Variants in PCNX2 observed in about 807,000 individuals in gnomAD.
PCNX2 encodes the protein pecanex 2, also known as pecanex-like protein 2.
A neutral mutation model predicts 223.8 loss-of-function variants in PCNX2; 168 were observed. That is an observed-to-expected ratio of 0.75 (90% CI 0.66 to 0.85). PCNX2 has a LOEUF of 0.85. Ranked by LOEUF, PCNX2 falls within the 40% of genes least tolerant of loss-of-function variation. PCNX2 has a pLI of 0.00. For missense variants in PCNX2, 2,507 were observed against 2,675.5 expected (o/e 0.94, Z 1.39); for synonymous variants, 1,006 against 1,052.6 (o/e 0.96, Z 0.86).
chr1:233,235,957 A>AAAAAAAAT (rs369886650), intron 9 of PCNX2, among the ~76,000 whole-genome samples: 20 of 93,104 alleles, frequency 2.1e-4, no homozygotes, highest in Admixed American at 8.5e-4. Context: ...CATAAAAAAA[A>AAAAAAAAT]ATATATATAT....
intron 23 of PCNX2, among the ~76,000 whole-genome samples, chr1:233,068,596 C>G (rs770368847): frequency 1.3e-5 from 2 of 152,008 alleles, no homozygotes; most frequent in Non-Finnish European, 2.9e-5. Flanking sequence ...GCTAAATGGA[C>G]ATGAAAAGAC....
At chr1:233,281,017 T>C (rs1256278043) in intron 1 of PCNX2, among the ~76,000 whole-genome samples, 1 of 152,210 alleles carries the variant, frequency 6.6e-6, no homozygotes, top group Non-Finnish European at 1.5e-5. Flanking sequence ...CACTACGGAA[T>C]AATAAATTCA....
intron 5 of PCNX2, 136 bp downstream of exon 5, chr1:233,257,892 G>T: frequency 8.4e-7 from 1 of 1,193,446 alleles, no homozygotes; most frequent in Non-Finnish European, 1.1e-6. Flanking sequence ...AGCAAATATT[G>T]ATGAGAAAGC....
Position 233,283,311 on chromosome 1 carries a change from C to A in PCNX2, c.153+12015G>T, listed in dbSNP as rs915194011. ...TTGATCAATCTTTTAGCTGTGTCTA[C>A]TGAAAGGGGCTAGAGGCAAAGACAA... is the stretch of plus-strand genomic sequence containing the variant. On this transcript the variant is annotated intron_variant, in intron 1 of 33. Coordinates refer to ENST00000258229, the MANE Select transcript of PCNX2 (RefSeq NM_014801.4). Among the ~76,000 whole-genome samples, 7 of 152,202 alleles carry A rather than the reference C, an allele frequency of 4.6e-5. No individual in the cohort carries two copies. In the East Asian group the frequency reaches 1.4e-3, roughly 29 times the overall value.
chr1:233,284,542 T>G (rs1661348073), intron 1 of PCNX2, among the ~76,000 whole-genome samples: 1 of 152,146 alleles, frequency 6.6e-6, no homozygotes, highest in Non-Finnish European at 1.5e-5. Context: ...GTACAGCACC[T>G]GCACTTCCCC....
intron 9 of PCNX2, among the ~76,000 whole-genome samples, chr1:233,235,096 G>C (rs1191655754): frequency 6.6e-6 from 1 of 151,964 alleles, no homozygotes; most frequent in Non-Finnish European, 1.5e-5. Flanking sequence ...GCCCCTCTCA[G>C]GTCCACTTCC....
At chr1:233,205,919 G>A (rs1403035952) in intron 13 of PCNX2, among the ~76,000 whole-genome samples, 2 of 152,124 alleles carry the variant, frequency 1.3e-5, no homozygotes, top group Non-Finnish European at 2.9e-5. Flanking sequence ...GCTACAAAAT[G>A]GGCTAAGGAC....
intron 23 of PCNX2, among the ~76,000 whole-genome samples, chr1:233,080,956 A>G (rs1673330390): frequency 6.6e-6 from 1 of 152,166 alleles, no homozygotes; most frequent in Admixed American, 6.5e-5. Context: ...AGCATTTGAA[A>G]ATCCCTTTCC....
chr1:233,134,101 A>C lies in PCNX2; in HGVS notation c.3837+912T>G, dbSNP rs577366099. On this transcript the variant is annotated intron_variant, in intron 21 of 33. Transcript: ENST00000258229. Reference sequence around the variant, plus strand: ...ATTTAGAAAGACTTACAATTAAAAAAATTATTAACTAAAAGGGGAAAGGTG... The same window carrying C: ...ATTTAGAAAGACTTACAATTAAAAACATTATTAACTAAAAGGGGAAAGGTG... Among the ~76,000 whole-genome samples, 3 of 152,360 alleles carry C rather than the reference A, an allele frequency of 2.0e-5. No individual in the cohort carries two copies. The East Asian group carries it at 5.8e-4, about 29-fold the overall frequency.
intron 13 of PCNX2, among the ~76,000 whole-genome samples, chr1:233,207,807 T>G (rs1681566242): frequency 6.6e-6 from 1 of 152,070 alleles, no homozygotes; most frequent in South Asian, 2.1e-4. Context: ...TGCCTAAACC[T>G]TAAGTCAAGC....
intron 25 of PCNX2, among the ~76,000 whole-genome samples, chr1:233,028,839 CTTTT>C (rs552422159): frequency 7.7e-6 from 1 of 129,774 alleles, no homozygotes; most frequent in Non-Finnish European, 1.6e-5. Context: ...CTTTCCAGTC[CTTTT>C]TTTTTTTTTT....
chr1:233,202,992 G>A (rs1420461381), intron 13 of PCNX2, among the ~76,000 whole-genome samples: 1 of 152,148 alleles, frequency 6.6e-6, no homozygotes, highest in East Asian at 1.9e-4. Flanking sequence ...TGGCTTCTTT[G>A]TACTGAGCTG....
chr1:233,058,559 A>C (rs1672274236), intron 23 of PCNX2: 1 of 152,162 alleles, frequency 6.6e-6, no homozygotes, highest in Non-Finnish European at 1.5e-5. Context: ...AGCATCACAC[A>C]TAGGGTTTAC....
At chr1:232,996,834 C>G (rs552028208) in intron 32 of PCNX2, among the ~76,000 whole-genome samples, 97 of 152,294 alleles carry the variant, frequency 6.4e-4, no homozygotes, top group African/African-American at 2.3e-3. Flanking sequence ...TGTAAATGAA[C>G]AGCTTACCTT....
intron 19 of PCNX2, among the ~76,000 whole-genome samples, chr1:233,150,579 A>C (rs536931002): frequency 2.6e-5 from 4 of 152,192 alleles, no homozygotes; most frequent in Non-Finnish European, 4.4e-5. Flanking sequence ...CTCTTCCTCA[A>C]CCAAGATGAT....
At chr1:233,130,685 A>G (rs1676442752) in intron 21 of PCNX2, among the ~76,000 whole-genome samples, 1 of 151,546 alleles carries the variant, frequency 6.6e-6, no homozygotes, top group African/African-American at 2.4e-5. Flanking sequence ...GGGTTTCACC[A>G]TGTTAGCCAG....
At position 233,131,225 on chromosome 1, in the gene PCNX2, G is replaced by T. The variant is rs976555275; in HGVS notation, c.3837+3788C>A. Among the ~76,000 whole-genome samples, 3 of 152,122 alleles carry T rather than the reference G, an allele frequency of 2.0e-5. No individual in the cohort carries two copies. In the East Asian group the frequency reaches 5.8e-4, roughly 29 times the overall value. The stretch of plus-strand genomic sequence containing the variant: ...CTGGGGGACATCTGCAGTGGTCAGA[G>T]GACAAGACCTGTCATGAGCAAGACT... On this transcript the variant is annotated intron_variant, in intron 21 of 33. Coordinates refer to ENST00000258229, the MANE Select transcript of PCNX2 (RefSeq NM_014801.4).
At chr1:233,033,257 GA>G (rs1365202356) in intron 25 of PCNX2, 1 of 933,282 alleles carries the variant, frequency 1.1e-6, no homozygotes, top group Non-Finnish European at 1.3e-6. Flanking sequence ...CTAATTTCAA[GA>G]AGGAATAAAC....
At chr1:233,317,657 C>T in the PCNX2 span, among the ~76,000 whole-genome samples, 1 of 151,394 alleles carries the variant, frequency 6.6e-6, no homozygotes, top group Non-Finnish European at 1.5e-5. Flanking sequence ...GGAAAATATA[C>T]TAAATGAGGG....
Sources: gnomAD v4.1 joint callset for allele counts (sites outside exome capture counted in the v4.1 genomes callset) on GRCh38, gnomAD v4.1.1 for gene constraint, MANE v1.5 for transcripts, NCBI Gene and HGNC (gene_info 2026-07-23, HGNC 2026-07-21) for gene names.